The following STRBP variants were observed in gnomAD, a reference collection of about 807,000 sequenced individuals.
STRBP encodes the protein spermatid perinuclear RNA-binding protein.
A neutral mutation model predicts 80.1 loss-of-function variants in STRBP; 13 were observed. The ratio of observed to expected loss-of-function variants is 0.16; its 90% confidence interval spans 0.11 to 0.26. STRBP has a LOEUF of 0.26. Ranked by LOEUF, STRBP falls within the 10% of genes least tolerant of loss-of-function variation. The pLI, the probability that STRBP is intolerant of heterozygous loss-of-function variation, is 1.00. For missense variants in STRBP, 485 were observed against 815.2 expected, an observed-to-expected ratio of 0.59 and a Z score of 4.93; for synonymous variants, 284 against 291.2, an observed-to-expected ratio of 0.98 and a Z score of 0.25.
intron 11 of STRBP, among the ~76,000 whole-genome samples, chr9:123,157,149 C>A (rs1201874941): frequency 6.6e-6 from 1 of 152,170 alleles, no homozygotes; most frequent in Non-Finnish European, 1.5e-5. Context: ...CCAAAACCTA[C>A]ATTTTTTCTG....
At chr9:123,229,713 A>G (rs1181597146) in intron 2 of STRBP, among the ~76,000 whole-genome samples, 1 of 152,176 alleles carries the variant, frequency 6.6e-6, no homozygotes, top group African/African-American at 2.4e-5. Context: ...ACATGCTTCA[A>G]TTTCCTTAGT....
intron 1 of STRBP, among the ~76,000 whole-genome samples, chr9:123,242,495 C>T (rs1256034655): frequency 4.6e-5 from 7 of 152,130 alleles, no homozygotes; most frequent in Non-Finnish European, 1.0e-4. Context: ...CCCGTCTCTA[C>T]TAAAAATACA....
At chr9:123,196,095 G>A (rs2039081123) in intron 2 of STRBP, among the ~76,000 whole-genome samples, 1 of 152,102 alleles carries the variant, frequency 6.6e-6, no homozygotes, top group Non-Finnish European at 1.5e-5. Flanking sequence ...ATTCATTTGT[G>A]ACAAAGGTTC....
At chr9:123,207,483 C>G (rs1406790576) in intron 2 of STRBP, among the ~76,000 whole-genome samples, 1 of 151,968 alleles carries the variant, frequency 6.6e-6, no homozygotes, top group African/African-American at 2.4e-5. Flanking sequence ...GAGAGAGATA[C>G]AGACATACTT....
chr9:123,139,437 G>A lies in STRBP; in HGVS notation c.1497+92C>T, dbSNP rs146833271. Reference sequence around the variant, plus strand: ...GTAATTTATGTACAGGTTTGCATATGCTTTTGATTTTATTTATACTTTTCC... The same window carrying A: ...GTAATTTATGTACAGGTTTGCATATACTTTTGATTTTATTTATACTTTTCC... On this transcript the variant is annotated intron_variant, in intron 14 of 18. Transcript: ENST00000348403. 4.1e-4 allele frequency: 440 copies of A among 1,071,258 alleles called. 6 individuals carry two copies. In the East Asian group the frequency reaches 0.013, roughly 31 times the overall value. 66.4% of individuals were successfully genotyped at this position (1,071,258 alleles called of 1,614,324 possible). A position where few individuals can be genotyped will look rare whatever the true frequency, so the allele number is the denominator to read the frequency against.
chr9:123,138,500 G>A (rs528157927), intron 14 of STRBP, among the ~76,000 whole-genome samples: 3 of 152,190 alleles, frequency 2.0e-5, no homozygotes, highest in South Asian at 2.1e-4. Flanking sequence ...ACACCTCCTC[G>A]TCCTTCAGTC....
chr9:123,112,284 C>T (rs534925907), intron 3 of STRBP: 7 of 167,382 alleles, frequency 4.2e-5, no homozygotes, highest in Admixed American at 1.3e-4. Flanking sequence ...GGCAGAGGGG[C>T]AAGTGCCTCC....
rs1405806479 is a variant in STRBP, at chr9:123,122,261, C to T, written c.*3336G>A. 1.6e-5 allele frequency: 19 copies of T among 1,192,718 alleles called. 1 individual carries two copies. The East Asian group carries it at 2.8e-4, about 18-fold the overall frequency. The allele number at this position is 1,192,718 out of a possible 1,614,324, so 73.9% of individuals were successfully genotyped here. A position where few individuals can be genotyped will look rare whatever the true frequency, so the allele number is the denominator to read the frequency against. ...CTATTTTATACAAGTGATATGGCTA[C>T]GAAGGTCCGAGGAGAACGAGAATAA... On this transcript the variant is annotated 3_prime_UTR_variant, in exon 19 of 19. Transcript: ENST00000348403.
At chr9:123,198,465 T>C (rs970730847) in intron 2 of STRBP, among the ~76,000 whole-genome samples, 1 of 152,150 alleles carries the variant, frequency 6.6e-6, no homozygotes, top group Non-Finnish European at 1.5e-5. Flanking sequence ...TGGGATTTTT[T>C]TTTTCTTGAT....
At chr9:123,140,222 C>T (rs115554983) in intron 13 of STRBP, among the ~76,000 whole-genome samples, 397 of 152,284 alleles carry the variant, frequency 2.6e-3, no homozygotes, top group African/African-American at 8.4e-3. Flanking sequence ...TATCTTTGAA[C>T]CAACTTGCCT....
chr9:123,190,007 C>T (rs1356366692), intron 2 of STRBP, among the ~76,000 whole-genome samples: 3 of 151,968 alleles, frequency 2.0e-5, no homozygotes, highest in East Asian at 1.9e-4. Context: ...GGGCCAGGTG[C>T]GGTGGCTCAC....
chr9:123,222,562 C>T (rs2040101295), intron 2 of STRBP, among the ~76,000 whole-genome samples: 1 of 152,110 alleles, frequency 6.6e-6, no homozygotes, highest in Non-Finnish European at 1.5e-5. Context: ...GCCACCTATA[C>T]TAAACTGTTG....
At chr9:123,187,070 T>C (rs1639690107) in intron 2 of STRBP, among the ~76,000 whole-genome samples, 2 of 152,090 alleles carry the variant, frequency 1.3e-5, no homozygotes, top group South Asian at 4.1e-4. Flanking sequence ...TTTTCATATA[T>C]TAACTCAAGC....
At chr9:123,265,730 C>T (rs548464674) in intron 1 of STRBP, among the ~76,000 whole-genome samples, 162 of 152,246 alleles carry the variant, frequency 1.1e-3, no homozygotes, top group Admixed American at 3.3e-3. Flanking sequence ...GCCATATGTC[C>T]GCCCAACCCA....
chr9:123,234,978 T>C (rs2040508210), intron 2 of STRBP, among the ~76,000 whole-genome samples: 1 of 117,366 alleles, frequency 8.5e-6, no homozygotes, highest in South Asian at 4.1e-4. Context: ...TTTGTATCTG[T>C]TCAACTGGCT....
chr9:123,166,751 CCAGCAA>C (rs1225388101), intron 6 of STRBP, among the ~76,000 whole-genome samples: 1 of 79,974 alleles, frequency 1.3e-5, no homozygotes, highest in Non-Finnish European at 3.2e-5. Flanking sequence ...AAGACTGTCT[CCAGCAA>C]CAACAACAAC....
chr9:123,161,091 A>G (rs780813477), intron 6 of STRBP, 23 bp from the exon 7 acceptor site: 4 of 1,526,416 alleles, frequency 2.6e-6, no homozygotes, highest in Admixed American at 3.7e-5. Flanking sequence ...TGGGATAAAG[A>G]GAGACAAATA....
Position 123,136,103 on chromosome 9 carries a change from A to G in STRBP, c.1711T>C (p.Leu571=). 6.2e-7 allele frequency: 1 copy of G among 1,614,210 alleles called. No homozygotes were observed. The highest frequency in any genetic ancestry group is 8.5e-7 in the Non-Finnish European group (1 of 1,180,028). ...TTGGGTCCAGAAAACAGTTTCTCCAAGGCAGCTAAAGCTGCACTCGCCTTT... is the reference window on the plus strand; with the variant it reads ...TTGGGTCCAGAAAACAGTTTCTCCAGGGCAGCTAAAGCTGCACTCGCCTTT... ...VAKASAALAA[L]EKLFSGPNAA... is the part of the protein sequence containing the mutation. The change falls in exon 16 of 19, where the codon TTG becomes CTG. Residue 571 remains leucine (L), a synonymous_variant. Coordinates refer to ENST00000348403, the MANE Select transcript of STRBP (RefSeq NM_018387.5). The surrounding 1 kb of genome is among the most constrained non-coding windows in gnomAD (Gnocchi z 4.2).
At chr9:123,215,720 G>C (rs538952965) in intron 2 of STRBP, among the ~76,000 whole-genome samples, 1 of 152,274 alleles carries the variant, frequency 6.6e-6, no homozygotes, top group South Asian at 2.1e-4. Flanking sequence ...AGGAGGCGGA[G>C]TTGCAGTGAG....
Sources: allele counts gnomAD v4.1 joint callset (sites outside exome capture counted in the v4.1 genomes callset), GRCh38; gene constraint gnomAD v4.1.1; non-coding constraint Gnocchi (gnomAD v3.1); transcripts MANE v1.5; gene names NCBI Gene and HGNC (gene_info 2026-07-23, HGNC 2026-07-21).